Variants in DNM3 observed in about 807,000 individuals in gnomAD.
DNM3 encodes dynamin 3.
In DNM3, 47 loss-of-function variants were observed where a neutral mutation model predicts 101.6. That is an observed-to-expected ratio of 0.46 (90% CI 0.37 to 0.59). The LOEUF (loss-of-function observed/expected upper bound fraction) is 0.59, where lower values mean the gene tolerates loss of function less well. DNM3 is among the 20% of genes least tolerant of loss of function. The probability of loss-of-function intolerance (pLI) is 0.00; values close to 1 mark genes in which losing one functional copy is unlikely to be tolerated. For synonymous variants in DNM3, 385 were observed against 387.9 expected (o/e 0.99, Z 0.09); for missense variants, 849 against 1,085.7 (o/e 0.78, Z 3.06).
At chr1:171,882,343 C>CAAAAAAA (rs3051601) in intron 1 of DNM3, among the ~76,000 whole-genome samples, 2 of 110,508 alleles carry the variant, frequency 1.8e-5, no homozygotes, top group African/African-American at 7.0e-5. Context: ...AACTCCGTCT[C>CAAAAAAA]AAAAAAAAAA....
chr1:172,315,614 G>A (rs572430893), intron 16 of DNM3, among the ~76,000 whole-genome samples: 52 of 152,262 alleles, frequency 3.4e-4, no homozygotes, highest in Admixed American at 8.5e-4. Flanking sequence ...GAACCAATGC[G>A]ATCAACTGGA....
At chr1:171,938,702 A>G (rs1358213496) in intron 2 of DNM3, among the ~76,000 whole-genome samples, 1 of 152,182 alleles carries the variant, frequency 6.6e-6, no homozygotes, top group Non-Finnish European at 1.5e-5. Flanking sequence ...AGATGGAGAG[A>G]GATGCAGATA....
rs374953420 is a variant in DNM3, at chr1:172,121,768, C to T, written c.1546-9407C>T. Among the ~76,000 whole-genome samples, 4 of 152,200 alleles carry T rather than the reference C, an allele frequency of 2.6e-5. No homozygotes were observed. In the South Asian group the frequency reaches 8.3e-4, roughly 32 times the overall value. ...TAGGGGTTGGGATTTACAGAGGAAC[C>T]AGGGAAACAGAAAGTTATTAATTTT... On this transcript the variant is annotated intron_variant, in intron 13 of 20. Coordinates refer to ENST00000627582, the MANE Select transcript of DNM3 (RefSeq NM_015569.5).
rs1400050313 is a variant in DNM3 at position 172,283,351 on chromosome 1, T to C, written c.1770-25377T>C. 2.0e-5 allele frequency among the ~76,000 whole-genome samples: 3 copies of C among 152,304 alleles called. No homozygotes were observed. The East Asian group carries it at 5.8e-4, about 29-fold the overall frequency. ...AACTGGACACAGTGGTTGGCAGGAC[T>C]TGACCAACACAGGGCACAAGACAGC... On this transcript the variant is annotated intron_variant, in intron 15 of 20. Transcript: ENST00000627582.
At chr1:172,102,057 C>T (rs866794259) in intron 13 of DNM3, among the ~76,000 whole-genome samples, 1 of 151,880 alleles carries the variant, frequency 6.6e-6, no homozygotes, top group Non-Finnish European at 1.5e-5. Flanking sequence ...CGGGGTTTCA[C>T]CATGTTGGCC....
chr1:172,186,590 A>T (rs1465665163), intron 14 of DNM3, among the ~76,000 whole-genome samples: 1 of 152,092 alleles, frequency 6.6e-6, no homozygotes, highest in Non-Finnish European at 1.5e-5. Flanking sequence ...GAATCCAGGC[A>T]TCTGCCTCTT....
chr1:172,382,581 G>GTTC (rs756849061), intron 18 of DNM3, among the ~76,000 whole-genome samples: 79 of 152,248 alleles, frequency 5.2e-4, no homozygotes, highest in Non-Finnish European at 6.3e-4. Flanking sequence ...ATAGTCTGAT[G>GTTC]TTCTCACCAT....
At chr1:171,989,202 A>G (rs1416286030) in intron 4 of DNM3, 54 bp downstream of exon 4, 1 of 1,525,644 alleles carries the variant, frequency 6.6e-7, no homozygotes, top group Non-Finnish European at 8.9e-7. Context: ...GAGTTTTGGT[A>G]TCTTTAAAGG....
At chr1:171,929,229 C>T (rs1191542502) in intron 2 of DNM3, among the ~76,000 whole-genome samples, 2 of 152,132 alleles carry the variant, frequency 1.3e-5, no homozygotes, top group Non-Finnish European at 2.9e-5. Flanking sequence ...CTGACTTTCC[C>T]TCTGGGAGCT....
intron 1 of DNM3, among the ~76,000 whole-genome samples, chr1:171,912,969 C>T (rs187204704): frequency 6.6e-6 from 1 of 152,336 alleles, no homozygotes; most frequent in East Asian, 1.9e-4. Context: ...TGCCAGGACT[C>T]ATTCATCTGG....
At chr1:172,395,163 A>C (rs1379669060) in intron 20 of DNM3, among the ~76,000 whole-genome samples, 1 of 144,350 alleles carries the variant, frequency 6.9e-6, no homozygotes, top group Non-Finnish European at 1.5e-5. Flanking sequence ...TCTGTGAAAG[A>C]TCAGAAGCAA....
At chr1:171,967,161 A>T (rs1248063217) in intron 2 of DNM3, among the ~76,000 whole-genome samples, 1 of 152,132 alleles carries the variant, frequency 6.6e-6, no homozygotes, top group Non-Finnish European at 1.5e-5. Context: ...CCTAAGAGGT[A>T]AAAAATCAGT....
intron 14 of DNM3, among the ~76,000 whole-genome samples, chr1:172,156,696 T>A (rs2058352170): frequency 6.6e-6 from 1 of 152,112 alleles, no homozygotes; most frequent in African/African-American, 2.4e-5. Context: ...TAGAAAGTGA[T>A]TGTATACTAT....
chr1:172,057,021 C>A (rs2050695670), intron 10 of DNM3, among the ~76,000 whole-genome samples: 1 of 151,920 alleles, frequency 6.6e-6, no homozygotes. Context: ...AGCTGAAAAC[C>A]AAGGCTCGAG....
At chr1:172,030,470 G>A (rs2048521290) in intron 4 of DNM3, among the ~76,000 whole-genome samples, 1 of 152,064 alleles carries the variant, frequency 6.6e-6, no homozygotes, top group South Asian at 2.1e-4. Context: ...GAAAACCCAG[G>A]CAATACCATT....
chr1:172,217,266 C>CT (rs34274670), intron 14 of DNM3, among the ~76,000 whole-genome samples: 6,307 of 152,184 alleles, frequency 0.041, 405 homozygotes, highest in East Asian at 0.22. Context: ...TCCACTAACT[C>CT]TTATTTTGCT....
intron 2 of DNM3, among the ~76,000 whole-genome samples, chr1:171,982,699 T>C (rs2044898994): frequency 1.3e-5 from 2 of 152,102 alleles, no homozygotes; most frequent in Admixed American, 1.3e-4. Context: ...GCATTTTGTA[T>C]TTATACAGTA....
intron 9 of DNM3, among the ~76,000 whole-genome samples, chr1:172,045,130 G>A (rs770152734): frequency 2.0e-5 from 3 of 146,942 alleles, no homozygotes; most frequent in Non-Finnish European, 4.5e-5. Context: ...CTGGCTTGAG[G>A]AATGCAGTCA....
At chr1:172,373,994 G>A (rs910264080) in intron 17 of DNM3, among the ~76,000 whole-genome samples, 2 of 151,984 alleles carry the variant, frequency 1.3e-5, no homozygotes, top group Non-Finnish European at 1.5e-5. Context: ...CATTTACAGT[G>A]ACAGAAGAAG....
Sources: allele counts gnomAD v4.1 joint callset (sites outside exome capture counted in the v4.1 genomes callset), GRCh38; gene constraint gnomAD v4.1.1; transcripts MANE v1.5; gene names NCBI Gene and HGNC (gene_info 2026-07-23, HGNC 2026-07-21).